The following PHYHIPL variants were observed in gnomAD, a reference collection of about 807,000 sequenced individuals.
PHYHIPL encodes phytanoyl-CoA 2-hydroxylase interacting protein like, also known as phytanoyl-CoA hydroxylase-interacting protein-like.
Under a neutral mutation model 33.4 loss-of-function variants are expected in PHYHIPL, and 9 were observed. That is an observed-to-expected ratio of 0.27 (90% CI 0.16 to 0.47). The LOEUF (loss-of-function observed/expected upper bound fraction) is 0.47, where lower values mean the gene tolerates loss of function less well. PHYHIPL is among the 20% of genes least tolerant of loss of function. PHYHIPL has a pLI of 0.99. For synonymous variants in PHYHIPL, 153 were observed against 154.1 expected (o/e 0.99, Z 0.05); for missense variants, 365 against 460.7 (o/e 0.79, Z 1.90).
intron 1 of PHYHIPL, among the ~76,000 whole-genome samples, chr10:59,182,036 T>G (rs1463257078): frequency 6.6e-6 from 1 of 152,220 alleles, no homozygotes; most frequent in African/African-American, 2.4e-5. Context: ...CAATGTTGCT[T>G]TTTCCTCTAA....
chr10:59,232,966 C>T, intron 1 of PHYHIPL, among the ~76,000 whole-genome samples: 1 of 151,676 alleles, frequency 6.6e-6, no homozygotes, highest in East Asian at 1.9e-4. Flanking sequence ...AAGCTTTAAG[C>T]TAGAAGTAAT....
chr10:59,203,474 T>G (rs1839187558), intron 1 of PHYHIPL, among the ~76,000 whole-genome samples: 1 of 152,200 alleles, frequency 6.6e-6, no homozygotes, highest in Admixed American at 6.5e-5. Context: ...ACACGTATGT[T>G]TATTGTGGCA....
intron 1 of PHYHIPL, among the ~76,000 whole-genome samples, chr10:59,196,391 T>G (rs867149344): frequency 3.3e-5 from 5 of 151,004 alleles, no homozygotes; most frequent in African/African-American, 1.2e-4. Context: ...AAGAAATGAC[T>G]GCACTTATGA....
chr10:59,240,472 C>A (rs1281985353), intron 4 of PHYHIPL, among the ~76,000 whole-genome samples: 1 of 150,862 alleles, frequency 6.6e-6, no homozygotes, highest in Admixed American at 6.6e-5. Flanking sequence ...TACAGTTGGG[C>A]AAAATTATCT....
chr10:59,176,820 A>T lies in PHYHIPL; in HGVS notation c.-34A>T. On this transcript the variant is annotated 5_prime_UTR_variant, in exon 1 of 5. Coordinates refer to ENST00000373880, the MANE Select transcript of PHYHIPL (RefSeq NM_032439.4). Reference sequence around the variant, plus strand: ...CCCGGCCGGCAGAGAGAGCCTGGATACGAAGCAGGCGGGCTTCAGAGTGGG... The same window carrying T: ...CCCGGCCGGCAGAGAGAGCCTGGATTCGAAGCAGGCGGGCTTCAGAGTGGG... 2.5e-6 allele frequency: 4 copies of T among 1,579,976 alleles called. No individual in the cohort carries two copies. Among genetic ancestry groups the T allele is most frequent in the Non-Finnish European group, 3.5e-6 (4 of 1,157,976 alleles).
intron 1 of PHYHIPL, among the ~76,000 whole-genome samples, chr10:59,188,924 C>T (rs1838700845): frequency 6.6e-6 from 1 of 152,022 alleles, no homozygotes; most frequent in East Asian, 1.9e-4. Context: ...AACTTGAAAT[C>T]TAGCCTTCAT....
intron 1 of PHYHIPL, among the ~76,000 whole-genome samples, chr10:59,182,959 T>C (rs1019056219): frequency 2.0e-5 from 3 of 152,186 alleles, no homozygotes; most frequent in African/African-American, 7.2e-5. Context: ...CTGATGACAT[T>C]AATTTTTTAC....
intron 1 of PHYHIPL, among the ~76,000 whole-genome samples, chr10:59,187,289 C>A (rs1041484178): frequency 6.6e-6 from 1 of 152,146 alleles, no homozygotes; most frequent in Non-Finnish European, 1.5e-5. Flanking sequence ...TATGTTGAAC[C>A]AGCCTTGCAT....
chr10:59,173,945 T>TTTTTTTG, upstream of PHYHIPL, among the ~76,000 whole-genome samples: 1 of 111,732 alleles, frequency 8.9e-6, no homozygotes, highest in Admixed American at 8.6e-5. Flanking sequence ...TTTTTTTTTT[T>TTTTTTTG]TTTTTTTTTT....
chr10:59,217,369 G>A (rs1049530779), intron 1 of PHYHIPL, among the ~76,000 whole-genome samples: 16 of 151,804 alleles, frequency 1.1e-4, no homozygotes, highest in Admixed American at 9.9e-4. Context: ...ATAAAAATGG[G>A]AATAAAATAA....
At chr10:59,194,312 T>C (rs1303886162) in intron 1 of PHYHIPL, among the ~76,000 whole-genome samples, 1 of 152,140 alleles carries the variant, frequency 6.6e-6, no homozygotes, top group African/African-American at 2.4e-5. Context: ...CATTGAATGT[T>C]TTCCTTTGCT....
intron 1 of PHYHIPL, among the ~76,000 whole-genome samples, chr10:59,181,733 A>G (rs1838417196): frequency 6.6e-6 from 1 of 152,232 alleles, no homozygotes; most frequent in Non-Finnish European, 1.5e-5. Context: ...AAACTAAAAG[A>G]AACAAAAAAT....
At chr10:59,226,614 G>A (rs1839932657) in intron 1 of PHYHIPL, among the ~76,000 whole-genome samples, 1 of 152,022 alleles carries the variant, frequency 6.6e-6, no homozygotes, top group South Asian at 2.1e-4. Context: ...GTGTCCTATA[G>A]GGAAGAGGTA....
intron 1 of PHYHIPL, among the ~76,000 whole-genome samples, chr10:59,227,975 G>GAGATATATATATATATATAT (rs10530291): frequency 1.2e-3 from 176 of 145,562 alleles, no homozygotes; most frequent in East Asian, 4.5e-3. Flanking sequence ...TGCCTATTGA[G>GAGATATATATATATATATAT]ATATATATAT....
chr10:59,241,896 G>T (rs777553423), intron 4 of PHYHIPL, among the ~76,000 whole-genome samples: 53 of 152,026 alleles, frequency 3.5e-4, no homozygotes, highest in Non-Finnish European at 3.2e-4. Flanking sequence ...AAGAAATAAA[G>T]AACACCAGAA....
intron 1 of PHYHIPL, among the ~76,000 whole-genome samples, chr10:59,214,600 C>T (rs1342296419): frequency 6.6e-6 from 1 of 151,950 alleles, no homozygotes; most frequent in Admixed American, 6.6e-5. Flanking sequence ...TTCTGTCATT[C>T]CTGCTCCGTT....
In PHYHIPL at chr10:59,221,777, A is replaced by G. The variant is rs963566707; in HGVS notation, c.107-12527A>G. 4 of 734,760 alleles carry G rather than the reference A, an allele frequency of 5.4e-6. No homozygotes were observed. In the African/African-American group the frequency reaches 7.7e-5, roughly 14 times the overall value. The allele number at this position is 734,760 out of a possible 1,614,324, so 45.5% of individuals were successfully genotyped here. On this transcript the variant is annotated intron_variant, in intron 1 of 4. Transcript: ENST00000373880. ...CTAAAATCCCTGAGGATTGTGAATTAACTGCATTTAGATTCTTTCAGATAT... is the reference window on the plus strand; with the variant it reads ...CTAAAATCCCTGAGGATTGTGAATTGACTGCATTTAGATTCTTTCAGATAT...
chr10:59,220,900 C>T (rs1180339954), intron 1 of PHYHIPL, among the ~76,000 whole-genome samples: 1 of 151,942 alleles, frequency 6.6e-6, no homozygotes, highest in East Asian at 1.9e-4. Context: ...AATATGATAA[C>T]TAAAAAATTA....
Position 59,245,733 on chromosome 10 carries a change from A to C in PHYHIPL, c.*142A>C. On this transcript the variant is annotated 3_prime_UTR_variant, in exon 5 of 5. Coordinates refer to ENST00000373880, the MANE Select transcript of PHYHIPL (RefSeq NM_032439.4). ...CAAAACAAACAACTACCACTTTCCA[A>C]ATTTCATTCAGAACCATTTTAGTGT... is the stretch of plus-strand genomic sequence containing the variant. 2.3e-6 allele frequency: 2 copies of C among 873,928 alleles called. No homozygotes were observed. Among genetic ancestry groups the C allele is most frequent in the South Asian group, 2.0e-5 (1 of 50,942 alleles). The allele number at this position is 873,928 out of a possible 1,614,324, so 54.1% of individuals were successfully genotyped here.
Sources: allele counts gnomAD v4.1 joint callset (sites outside exome capture counted in the v4.1 genomes callset), GRCh38; gene constraint gnomAD v4.1.1; transcripts MANE v1.5; gene names NCBI Gene and HGNC (gene_info 2026-07-23, HGNC 2026-07-21).